Variants in TSEN2 observed in about 807,000 individuals in gnomAD.
TSEN2 encodes the protein tRNA-splicing endonuclease subunit Sen2.
TSEN2 carries 54 observed loss-of-function variants against 59.2 expected under a neutral mutation model. That is an observed-to-expected ratio of 0.91 (90% CI 0.73 to 1.14). The LOEUF (loss-of-function observed/expected upper bound fraction) is 1.14. Ranked by LOEUF, TSEN2 falls within the 50% of genes most tolerant of loss-of-function variation. The pLI, the probability that TSEN2 is intolerant of heterozygous loss-of-function variation, is 0.00. For synonymous variants in TSEN2, 195 were observed against 198.2 expected, an observed-to-expected ratio of 0.98 and a Z score of 0.14; for missense variants, 636 against 576.2, an observed-to-expected ratio of 1.10 and a Z score of -1.06.
downstream of TSEN2, among the ~76,000 whole-genome samples, chr3:12,535,273 G>C (rs2057648282): frequency 6.6e-6 from 1 of 152,066 alleles, no homozygotes; most frequent in African/African-American, 2.4e-5. Flanking sequence ...ATCATCCCAT[G>C]AATGTTAACT....
chr3:12,503,217 T>C, intron 4 of TSEN2, 45 bp from the exon 5 acceptor site: 1 of 1,613,396 alleles, frequency 6.2e-7, no homozygotes, highest in South Asian at 1.1e-5. Context: ...GTTTTTTCAA[T>C]TTTGAAATTC....
At chr3:12,486,416 CT>C (rs2052618738) in intron 1 of TSEN2, among the ~76,000 whole-genome samples, 2 of 152,208 alleles carry the variant, frequency 1.3e-5, no homozygotes, top group Non-Finnish European at 2.9e-5. Flanking sequence ...ATTTTTCCCC[CT>C]GGGGAAGTGA....
downstream of TSEN2, among the ~76,000 whole-genome samples, chr3:12,534,093 G>T (rs2348195): frequency 0.42 from 62,908 of 151,346 alleles, 14,030 homozygotes; most frequent in African/African-American, 0.58. Flanking sequence ...AAAATTGCAT[G>T]CAGTCAGAAA....
intron 6 of TSEN2, among the ~76,000 whole-genome samples, chr3:12,507,832 G>A (rs1001317653): frequency 2.0e-5 from 3 of 152,198 alleles, no homozygotes; most frequent in Non-Finnish European, 4.4e-5. Flanking sequence ...TACAAGATAG[G>A]GAATTTGCAT....
At chr3:12,515,849 G>T (rs577530759) in intron 6 of TSEN2, among the ~76,000 whole-genome samples, 1 of 151,936 alleles carries the variant, frequency 6.6e-6, no homozygotes, top group South Asian at 2.1e-4. Context: ...AGCAAAATCA[G>T]CACTGCCCCA....
At chr3:12,489,759 T>C (rs1320994564) in intron 1 of TSEN2, 25 bp from the exon 2 acceptor site, 2 of 1,596,968 alleles carry the variant, frequency 1.3e-6, no homozygotes, top group Admixed American at 3.4e-5. Flanking sequence ...TCTGTTTCTT[T>C]CTGTTTGTTG....
At chr3:12,528,824 G>T in intron 8 of TSEN2, 64 bp from the exon 9 acceptor site, 1 of 1,563,890 alleles carries the variant, frequency 6.4e-7, no homozygotes. Flanking sequence ...GCTTTTTGTT[G>T]AGTCTTACTC....
intron 8 of TSEN2, among the ~76,000 whole-genome samples, 161 bp downstream of exon 8, chr3:12,519,358 G>A (rs527956359): frequency 6.6e-6 from 1 of 152,332 alleles, no homozygotes; most frequent in South Asian, 2.1e-4. Flanking sequence ...AAGGGTAAGT[G>A]CAAAAAGAGA....
chr3:12,484,447 C>T (rs1316136902), upstream of TSEN2: 1 of 152,280 alleles, frequency 6.6e-6, no homozygotes, highest in African/African-American at 2.4e-5. Context: ...GGCCGCACTG[C>T]TTGACGGCAG....
intron 8 of TSEN2, among the ~76,000 whole-genome samples, chr3:12,519,580 C>T (rs1238757614): frequency 6.6e-6 from 1 of 152,086 alleles, no homozygotes; most frequent in African/African-American, 2.4e-5. Context: ...CCCTTCTCTA[C>T]TAAAAAATAT....
At chr3:12,526,361 G>A (rs1027507367) in intron 8 of TSEN2, among the ~76,000 whole-genome samples, 11 of 151,806 alleles carry the variant, frequency 7.2e-5, no homozygotes, top group Non-Finnish European at 2.9e-5. Context: ...CTTTTATATC[G>A]TATTTTTACT....
chr3:12,524,140 C>G (rs1326070986), intron 8 of TSEN2, among the ~76,000 whole-genome samples: 1 of 151,870 alleles, frequency 6.6e-6, no homozygotes, highest in Non-Finnish European at 1.5e-5. Context: ...TCTGTGTTGC[C>G]CAAGCTGGGC....
intron 6 of TSEN2, among the ~76,000 whole-genome samples, chr3:12,511,830 GT>G (rs1449268180): frequency 6.6e-6 from 1 of 152,122 alleles, no homozygotes; most frequent in African/African-American, 2.4e-5. Context: ...GCCTCCGAAA[GT>G]GCTAGGATTA....
chr3:12,506,126 C>G (rs1429495686), intron 6 of TSEN2, among the ~76,000 whole-genome samples: 2 of 144,704 alleles, frequency 1.4e-5, no homozygotes, highest in Non-Finnish European at 1.5e-5. Context: ...ATTCATATAC[C>G]ATACAATTTA....
At chr3:12,498,604 TAACA>T (rs2053988701) in intron 4 of TSEN2, among the ~76,000 whole-genome samples, 1 of 152,196 alleles carries the variant, frequency 6.6e-6, no homozygotes, top group African/African-American at 2.4e-5. Flanking sequence ...TACATTAACA[TAACA>T]AAGGACAAAG....
At chr3:12,490,409 G>T (rs367637184) in intron 2 of TSEN2, among the ~76,000 whole-genome samples, 2 of 152,194 alleles carry the variant, frequency 1.3e-5, no homozygotes, top group African/African-American at 4.8e-5. Context: ...ACTCAGGCAC[G>T]GATCAGATGG....
intron 1 of TSEN2, among the ~76,000 whole-genome samples, chr3:12,486,667 A>G (rs552586896): frequency 1.3e-5 from 2 of 152,250 alleles, no homozygotes; most frequent in East Asian, 3.9e-4. Context: ...ATTTTAAAAC[A>G]TTTTCGTCAC....
At position 12,505,330 on chromosome 3, in the gene TSEN2, A is replaced by G. The variant is rs138583416; in HGVS notation, c.909+99A>G. On this transcript the variant is annotated intron_variant, in intron 6 of 11. Coordinates refer to ENST00000284995, the MANE Select transcript of TSEN2 (RefSeq NM_025265.4). ...ACAGTGTAGTTCTGTATGTAATTCAATTATTGAATATTGTAATTCAGTATT... is the reference window on the plus strand; with the variant it reads ...ACAGTGTAGTTCTGTATGTAATTCAGTTATTGAATATTGTAATTCAGTATT... The G allele has an allele frequency of 1.3e-4, 102 of 791,286 alleles. No homozygotes were observed. The East Asian group carries it at 1.5e-3, about 11-fold the overall frequency. The allele number at this position is 791,286 out of a possible 1,614,324, so 49.0% of individuals were successfully genotyped here. A position where few individuals can be genotyped will look rare whatever the true frequency, so the allele number is the denominator to read the frequency against.
Position 12,532,793 on chromosome 3 carries a change from G to A in TSEN2, c.*72G>A. The A allele has an allele frequency of 6.9e-7, 1 of 1,444,508 alleles. No homozygotes were observed. The highest frequency in any genetic ancestry group is 1.7e-5 in the Admixed American group (1 of 59,406). The allele number at this position is 1,444,508 out of a possible 1,614,324, so 89.5% of individuals were successfully genotyped here. A position where few individuals can be genotyped will look rare whatever the true frequency, so the allele number is the denominator to read the frequency against. ...GGCTAGGTAAAAAGTTCTTTTTGTT[G>A]TAATCGTCCATTAATTCATAAGTTT... On this transcript the variant is annotated 3_prime_UTR_variant, in exon 12 of 12. Coordinates refer to ENST00000284995, the MANE Select transcript of TSEN2 (RefSeq NM_025265.4).
Sources: gnomAD v4.1 joint callset for allele counts (sites outside exome capture counted in the v4.1 genomes callset) on GRCh38, gnomAD v4.1.1 for gene constraint, MANE v1.5 for transcripts, NCBI Gene and HGNC (gene_info 2026-07-23, HGNC 2026-07-21) for gene names.